The following BRSK1 variants were observed in gnomAD, a reference collection of about 807,000 sequenced individuals.
The protein encoded by BRSK1 is BR serine/threonine kinase 1.
A neutral mutation model predicts 86.2 loss-of-function variants in BRSK1; 17 were observed. The ratio of observed to expected loss-of-function variants is 0.20; its 90% CI spans 0.14 to 0.30. BRSK1 has a LOEUF of 0.30. BRSK1 is among the 10% of genes least tolerant of loss of function. The probability of loss-of-function intolerance (pLI) is 1.00; values close to 1 mark genes in which losing one functional copy is unlikely to be tolerated. For synonymous variants in BRSK1, 464 were observed against 440.1 expected (o/e 1.05, Z -0.68); for missense variants, 719 against 1,071.9 (o/e 0.67, Z 4.60).
Position 55,284,398 on chromosome 19 carries a change from AG to A in BRSK1, c.-38del. On this transcript the variant is annotated 5_prime_UTR_variant, in exon 1 of 19. Coordinates refer to ENST00000309383, the MANE Select transcript of BRSK1 (RefSeq NM_032430.2). The stretch of plus-strand genomic sequence containing the variant: ...ACCGGAGAGACGGGGCGACGGCCGC[AG>A]GGGGGGCGGCCGGGGGACCGGTCGG... 4.9e-5 allele frequency: 47 copies of A among 960,930 alleles called. No homozygotes were observed. The highest frequency in any genetic ancestry group is 1.4e-4 in the South Asian group (3 of 21,720). 59.5% of individuals were successfully genotyped at this position (960,930 alleles called of 1,614,324 possible).
rs1262594184 is a variant in BRSK1 at position 55,310,235 on chromosome 19, GCCTGGAGGGCTGCA to G, written c.2179+1516_2179+1529del. 6.6e-6 allele frequency among the ~76,000 whole-genome samples: 1 copy of G among 152,200 alleles called. No individual in the cohort carries two copies. Among genetic ancestry groups the G allele is most frequent in the Non-Finnish European group, 1.5e-5 (1 of 68,040 alleles). ...CATGGTCTCTGCAGGCTAACAGGGT[GCCTGGAGGGCTGCA>G]CCTGGAGGCTCTCTGGCAGAGACTG... On this transcript the variant is annotated intron_variant, in intron 18 of 18. Coordinates refer to ENST00000309383, the MANE Select transcript of BRSK1 (RefSeq NM_032430.2). This position sits in a 1 kb window ranked among gnomAD's most constrained non-coding sequence, Gnocchi z 5.0.
chr19:55,294,560 G>T lies in BRSK1; in HGVS notation c.678+163G>T, dbSNP rs1382499531. 1.3e-5 allele frequency among the ~76,000 whole-genome samples: 2 copies of T among 152,148 alleles called. No individual in the cohort carries two copies. Among genetic ancestry groups the T allele is most frequent in the Non-Finnish European group, 2.9e-5 (2 of 68,036 alleles). ...CCCGTCGCCTAGGCTGGAGTGCAGT[G>T]GTGTGATCTCAGCTCACTGCAACCT... On this transcript the variant is annotated intron_variant, in intron 7 of 18. Coordinates refer to ENST00000309383, the MANE Select transcript of BRSK1 (RefSeq NM_032430.2). The surrounding 1 kb of genome is among the most constrained non-coding windows in gnomAD (Gnocchi z 4.9).
intron 16 of BRSK1, among the ~76,000 whole-genome samples, chr19:55,305,914 C>T (rs199918607): frequency 1.3e-5 from 2 of 152,156 alleles, no homozygotes; most frequent in Non-Finnish European, 2.9e-5. Context: ...TTTATGCCTA[C>T]GGGTGGATGG....
Position 55,284,247 on chromosome 19 carries a change from CG to C in BRSK1, c.-193del, listed in dbSNP as rs920797091. 5.8e-5 allele frequency: 27 copies of C among 466,748 alleles called. No homozygotes were observed. The highest frequency in any genetic ancestry group is 2.0e-4 in the African/African-American group (10 of 49,142). The allele number at this position is 466,748 out of a possible 1,614,324, so 28.9% of individuals were successfully genotyped here. On this transcript the variant is annotated 5_prime_UTR_variant, in exon 1 of 19. Coordinates refer to ENST00000309383, the MANE Select transcript of BRSK1 (RefSeq NM_032430.2). ...GCTGACTCCCGGGGCCTGACCCCCCCGGGCCAGCCCCCCCTCCCCCAGCTCC... is the reference window on the plus strand; with the variant it reads ...GCTGACTCCCGGGGCCTGACCCCCCCGGCCAGCCCCCCCTCCCCCAGCTCC...
rs1257211536 is a variant in BRSK1, at chr19:55,284,396, G to A, written c.-47G>A. On this transcript the variant is annotated 5_prime_UTR_variant, in exon 1 of 19. Transcript: ENST00000309383. Reference sequence around the variant, plus strand: ...CCACCGGAGAGACGGGGCGACGGCCGCAGGGGGGGCGGCCGGGGGACCGGT... The same window carrying A: ...CCACCGGAGAGACGGGGCGACGGCCACAGGGGGGGCGGCCGGGGGACCGGT... The A allele has an allele frequency of 5.8e-6, 6 of 1,031,860 alleles. No homozygotes were observed. The highest frequency in any genetic ancestry group is 7.4e-5 in the East Asian group (2 of 27,144). 63.9% of individuals were successfully genotyped at this position (1,031,860 alleles called of 1,614,324 possible). A position where few individuals can be genotyped will look rare whatever the true frequency, so the allele number is the denominator to read the frequency against.
chr19:55,285,572 C>A (rs2088297786), intron 1 of BRSK1, among the ~76,000 whole-genome samples: 1 of 152,180 alleles, frequency 6.6e-6, no homozygotes, highest in Non-Finnish European at 1.5e-5. Flanking sequence ...AGACATTCTC[C>A]CCTTCTCTGG....
At position 55,304,043 on chromosome 19, in the gene BRSK1, G is replaced by A. The variant is rs553388514; in HGVS notation, c.1287-7G>A. 4 of 1,605,128 alleles carry A rather than the reference G, an allele frequency of 2.5e-6. No homozygotes were observed. The Admixed American group carries it at 6.9e-5, about 28-fold the overall frequency. The stretch of plus-strand genomic sequence containing the variant: ...ATTTTTTTTTTTTAAATCTATCCTG[G>A]AAACAGATCCCGTAGCGTCAGTGGA... On this transcript the variant is annotated splice_region_variant and splice_polypyrimidine_tract_variant and intron_variant, in intron 12 of 18. Transcript: ENST00000309383. This position sits in a 1 kb window ranked among gnomAD's most constrained non-coding sequence, Gnocchi z 5.2.
rs760487267 is a variant in BRSK1 at position 55,289,558 on chromosome 19, G to A, written c.396G>A (p.Glu132=). 9 of 1,614,002 alleles carry A rather than the reference G, an allele frequency of 5.6e-6. No homozygotes were observed. In the Admixed American group the frequency reaches 1.3e-4, roughly 24 times the overall value. ...LVKKGRLTPK[E]ARKFFRQIVS... The stretch of plus-strand genomic sequence containing the variant: ...AGAAGGGGAGACTGACGCCCAAGGA[G>A]GCCCGAAAGTTCTTCCGCCAGATTG... Residue 132 remains glutamate (E), a synonymous_variant, in exon 4 of 19, where the codon GAG becomes GAA. Coordinates refer to ENST00000309383, the MANE Select transcript of BRSK1 (RefSeq NM_032430.2).
intron 1 of BRSK1, among the ~76,000 whole-genome samples, chr19:55,285,244 G>A (rs1600166942): frequency 6.7e-6 from 1 of 149,512 alleles, no homozygotes; most frequent in East Asian, 2.0e-4. Context: ...TCCTGGGTCT[G>A]AAGGAGGAGG....
chr19:55,311,870 T>C (rs912503576), intron 18 of BRSK1, 41 bp from the exon 19 acceptor site: 2 of 1,603,034 alleles, frequency 1.2e-6, no homozygotes, highest in East Asian at 2.2e-5. Context: ...ACCCCAACCC[T>C]GGGCTGCGGA....
In BRSK1 at chr19:55,302,521, C is replaced by A; in HGVS notation, c.858-176C>A. ...GTCGGAGGGAAAAGGGGCTGGAGGTCTGGACTCCTGGGTCTGAGATGGGGG... is the reference window on the plus strand; with the variant it reads ...GTCGGAGGGAAAAGGGGCTGGAGGTATGGACTCCTGGGTCTGAGATGGGGG... On this transcript the variant is annotated intron_variant, in intron 9 of 18. Transcript: ENST00000309383. The surrounding 1 kb of genome is among the most constrained non-coding windows in gnomAD (Gnocchi z 6.3). 1 of 801,794 alleles carries A rather than the reference C, an allele frequency of 1.2e-6. No homozygotes were observed. Among genetic ancestry groups the A allele is most frequent in the Non-Finnish European group, 2.0e-6 (1 of 511,832 alleles). The allele number at this position is 801,794 out of a possible 1,614,324, so 49.7% of individuals were successfully genotyped here.
rs372226097 is a variant in BRSK1 at position 55,306,092 on chromosome 19, A to C, written c.1891-160A>C. On this transcript the variant is annotated intron_variant, in intron 16 of 18. Transcript: ENST00000309383. The surrounding 1 kb of genome is among the most constrained non-coding windows in gnomAD (Gnocchi z 4.7). Reference sequence around the variant, plus strand: ...CCTTACTCGCTGATAGGATAGAGAAAGCTACAAGTCCTTGCAGGCAGTGGG... The same window carrying C: ...CCTTACTCGCTGATAGGATAGAGAACGCTACAAGTCCTTGCAGGCAGTGGG... Among the ~76,000 whole-genome samples, 5 of 152,194 alleles carry C rather than the reference A, an allele frequency of 3.3e-5. No individual in the cohort carries two copies. Among genetic ancestry groups the C allele is most frequent in the African/African-American group, 1.2e-4 (5 of 41,436 alleles).
At chr19:55,289,348 T>C (rs2088369863) in intron 3 of BRSK1, 132 bp from the exon 4 acceptor site, 2 of 1,066,522 alleles carry the variant, frequency 1.9e-6, no homozygotes, top group Non-Finnish European at 2.7e-6. Flanking sequence ...CCCATGGGAA[T>C]TGGAGTCTCT....
intron 18 of BRSK1, among the ~76,000 whole-genome samples, chr19:55,311,086 C>T (rs117215305): frequency 0.025 from 3,821 of 152,154 alleles, 84 homozygotes; most frequent in Non-Finnish European, 0.038. Flanking sequence ...CTCAGCCTGT[C>T]GAGTAGCTGG....
At position 55,302,933 on chromosome 19, in the gene BRSK1, C is replaced by G. The variant is rs932276475; in HGVS notation, c.1028+66C>G. ...GCGAGCTGCAGCAGCTCCCTGCGCA[C>G]ATGCAGAGTGCTGGGCGAGGAACCC... On this transcript the variant is annotated intron_variant, in intron 10 of 18. Coordinates refer to ENST00000309383, the MANE Select transcript of BRSK1 (RefSeq NM_032430.2). This position sits in a 1 kb window ranked among gnomAD's most constrained non-coding sequence, Gnocchi z 6.3. The G allele has an allele frequency of 1.3e-6, 2 of 1,561,548 alleles. No individual in the cohort carries two copies. The highest frequency in any genetic ancestry group is 2.7e-5 in the African/African-American group (2 of 73,842).
chr19:55,290,961 T>G (rs1436442542), intron 4 of BRSK1, among the ~76,000 whole-genome samples: 1 of 150,488 alleles, frequency 6.6e-6, no homozygotes, highest in African/African-American at 2.5e-5. Context: ...GCTTTTTCTG[T>G]CCTATTTAAG....
chr19:55,298,209 C>CTTTTTTTTTTTTTTTTTTTTTT (rs71181751), intron 7 of BRSK1, among the ~76,000 whole-genome samples: 1 of 69,622 alleles, frequency 1.4e-5, no homozygotes, highest in Non-Finnish European at 2.6e-5. Context: ...TTTGTTTCTT[C>CTTTTTTTTTTTTTTTTTTTTTT]TTTTTTTTTT....
rs1013130034 is a variant in BRSK1, at chr19:55,312,094, A to AC, written c.*32dup. ...CCCCACGGGGCCGGGGAGGGAGGGGACCCCCCTCCACCCCCCTTCCGTGCC... is the reference window on the plus strand; with the variant it reads ...CCCCACGGGGCCGGGGAGGGAGGGGACCCCCCCTCCACCCCCCTTCCGTGCC... On this transcript the variant is annotated 3_prime_UTR_variant, in exon 19 of 19. Coordinates refer to ENST00000309383, the MANE Select transcript of BRSK1 (RefSeq NM_032430.2). 2.1e-5 allele frequency: 21 copies of AC among 984,028 alleles called. No individual in the cohort carries two copies. Among genetic ancestry groups the AC allele is most frequent in the African/African-American group, 3.5e-5 (2 of 56,716 alleles). The allele number at this position is 984,028 out of a possible 1,614,324, so 61.0% of individuals were successfully genotyped here. A position where few individuals can be genotyped will look rare whatever the true frequency, so the allele number is the denominator to read the frequency against.
intron 1 of BRSK1, 30 bp downstream of exon 1, chr19:55,284,608 C>CG: frequency 2.7e-6 from 3 of 1,127,120 alleles, no homozygotes; most frequent in Non-Finnish European, 3.3e-6. Context: ...ACACCTGGGG[C>CG]GGGGGGCAGG....
Sources: allele counts gnomAD v4.1 joint callset (sites outside exome capture counted in the v4.1 genomes callset), GRCh38; gene constraint gnomAD v4.1.1; non-coding constraint Gnocchi (gnomAD v3.1); transcripts MANE v1.5; gene names NCBI Gene and HGNC (gene_info 2026-07-23, HGNC 2026-07-21).